CLNK: variants seen among roughly 807,000 people sequenced by gnomAD.
CLNK encodes the protein cytokine-dependent hematopoietic cell linker.
A neutral mutation model predicts 68.6 loss-of-function variants in CLNK; 74 were observed. The observed-to-expected ratio is 1.08, with a 90% CI of 0.89 to 1.31. CLNK has a LOEUF of 1.31. Among genes scored for constraint, CLNK ranks in the 50% most tolerant of loss-of-function variants. The pLI is 0.00. For synonymous variants in CLNK, 198 were observed against 172.2 expected (o/e 1.15, Z -1.17); for missense variants, 553 against 515.3 (o/e 1.07, Z -0.71).
chr4:10,590,650 C>A (rs1449221186), intron 3 of CLNK, among the ~76,000 whole-genome samples: 2 of 152,216 alleles, frequency 1.3e-5, no homozygotes, highest in African/African-American at 4.8e-5. Flanking sequence ...CACCCCCTGA[C>A]ATTAGAAGGC....
At chr4:10,687,157 C>T (rs6833037), upstream of CLNK, among the ~76,000 whole-genome samples, 69,402 of 150,982 alleles carry the variant, frequency 0.46, 15,958 homozygotes, top group South Asian at 0.52. Flanking sequence ...TTTACATCCT[C>T]TACCTACTAC....
chr4:10,536,849 C>T (rs1718778655), intron 11 of CLNK, among the ~76,000 whole-genome samples: 1 of 152,166 alleles, frequency 6.6e-6, no homozygotes, highest in Non-Finnish European at 1.5e-5. Context: ...AAGATGTCAA[C>T]ACCACCAAGA....
chr4:10,504,021 T>A (rs184460142), intron 17 of CLNK, among the ~76,000 whole-genome samples: 3 of 151,732 alleles, frequency 2.0e-5, no homozygotes, highest in African/African-American at 7.2e-5. Context: ...GACCTCGTGA[T>A]CTGTCCACCT....
intron 5 of CLNK, among the ~76,000 whole-genome samples, chr4:10,567,040 A>G (rs1720148266): frequency 6.6e-6 from 1 of 151,770 alleles, no homozygotes; most frequent in African/African-American, 2.4e-5. Context: ...TTTGCAAATT[A>G]ACACACTGAT....
At chr4:10,706,092 C>T in the CLNK span, among the ~76,000 whole-genome samples, 2 of 152,200 alleles carry the variant, frequency 1.3e-5, no homozygotes, top group African/African-American at 4.8e-5. Context: ...TAGAGTCTTG[C>T]TTTGGGGTCA....
At chr4:10,621,455 T>C (rs539155518) in intron 2 of CLNK, among the ~76,000 whole-genome samples, 2 of 152,194 alleles carry the variant, frequency 1.3e-5, no homozygotes, top group Non-Finnish European at 2.9e-5. Flanking sequence ...CTTTCCATTT[T>C]GGGGTCCAGT....
intron 2 of CLNK, among the ~76,000 whole-genome samples, chr4:10,644,495 T>C (rs971882319): frequency 1.3e-5 from 2 of 152,160 alleles, no homozygotes; most frequent in African/African-American, 4.8e-5. Flanking sequence ...ATGTAAATTC[T>C]TTCCCAGCTA....
intron 3 of CLNK, among the ~76,000 whole-genome samples, chr4:10,597,044 A>T (rs1304748108): frequency 6.6e-6 from 1 of 152,248 alleles, no homozygotes; most frequent in African/African-American, 2.4e-5. Context: ...GTTTTGCAAA[A>T]CACCTCAAGT....
intron 12 of CLNK, 71 bp from the exon 13 acceptor site, chr4:10,528,165 G>T (rs1431185879): frequency 5.6e-6 from 4 of 712,572 alleles, no homozygotes; most frequent in East Asian, 3.4e-5. Context: ...CACCATGTGT[G>T]TTTTTAGAGC....
At chr4:10,545,720 G>A (rs972610737) in intron 8 of CLNK, among the ~76,000 whole-genome samples, 4 of 152,162 alleles carry the variant, frequency 2.6e-5, no homozygotes, top group African/African-American at 4.8e-5. Context: ...CTCCACTCCT[G>A]TGACAAGTCT....
At chr4:10,726,429 A>G in the CLNK span, among the ~76,000 whole-genome samples, 1 of 152,124 alleles carries the variant, frequency 6.6e-6, no homozygotes, top group African/African-American at 2.4e-5. Context: ...CTATGTGTGT[A>G]TCTGTGTTGA....
chr4:10,683,179 T>C (rs902432617), intron 1 of CLNK, among the ~76,000 whole-genome samples: 1 of 152,166 alleles, frequency 6.6e-6, no homozygotes, highest in Non-Finnish European at 1.5e-5. Context: ...CTGGTCCAAG[T>C]GGCAGAGTCA....
intron 18 of CLNK, among the ~76,000 whole-genome samples, chr4:10,500,364 C>G (rs1269855933): frequency 1.3e-5 from 2 of 152,016 alleles, no homozygotes; most frequent in African/African-American, 4.8e-5. Flanking sequence ...ATCATGACAC[C>G]AAAGAGTTGT....
At chr4:10,502,831 C>T (rs536717553) in intron 17 of CLNK, among the ~76,000 whole-genome samples, 21 of 151,900 alleles carry the variant, frequency 1.4e-4, no homozygotes, top group African/African-American at 4.8e-4. Context: ...AGAAAAGGCC[C>T]GGAGATGCCT....
At chr4:10,597,878 T>C in intron 3 of CLNK, 100 bp downstream of exon 3, 2 of 801,396 alleles carry the variant, frequency 2.5e-6, no homozygotes, top group East Asian at 5.3e-5. Context: ...CTACAGGTCA[T>C]TCCATCACAT....
chr4:10,734,741 A>G, the CLNK span, among the ~76,000 whole-genome samples: 1 of 152,150 alleles, frequency 6.6e-6, no homozygotes, highest in African/African-American at 2.4e-5. Flanking sequence ...ATCTTGGTCT[A>G]TTTGATGAGT....
At chr4:10,666,132 C>T (rs1029859833) in intron 2 of CLNK, among the ~76,000 whole-genome samples, 4 of 152,198 alleles carry the variant, frequency 2.6e-5, no homozygotes, top group Non-Finnish European at 5.9e-5. Context: ...GGGAGCTGAA[C>T]AAGACCAGGA....
chr4:10,573,234 G>A (rs892186517), intron 4 of CLNK, among the ~76,000 whole-genome samples: 2 of 152,138 alleles, frequency 1.3e-5, no homozygotes, highest in African/African-American at 4.8e-5. Context: ...TCTTTTCTAA[G>A]GTGTAATGTA....
chr4:10,498,804 T>C (rs574800269), intron 18 of CLNK, among the ~76,000 whole-genome samples: 6 of 152,328 alleles, frequency 3.9e-5, no homozygotes, highest in African/African-American at 1.2e-4. Flanking sequence ...CGTAGCACTT[T>C]CTTAATGTGG....
Sources: allele counts gnomAD v4.1 joint callset (sites outside exome capture counted in the v4.1 genomes callset), GRCh38; gene constraint gnomAD v4.1.1; transcripts MANE v1.5; gene names NCBI Gene and HGNC (gene_info 2026-07-23, HGNC 2026-07-21).